RABGAP1: variants seen among roughly 807,000 people sequenced by gnomAD.
The protein encoded by RABGAP1 is RAB GTPase activating protein 1, also known as rab GTPase-activating protein 1.
In RABGAP1, 23 loss-of-function variants were observed where a neutral mutation model predicts 137.6. The observed-to-expected ratio is 0.17, with a 90% CI of 0.12 to 0.24. RABGAP1 has a LOEUF of 0.24. Ranked by LOEUF, RABGAP1 falls within the 10% of genes least tolerant of loss-of-function variation. The pLI is 1.00. For synonymous variants in RABGAP1, 451 were observed against 450.7 expected (o/e 1.00, Z -0.01); for missense variants, 906 against 1,275.8 (o/e 0.71, Z 4.42).
chr9:122,956,743 GA>G (rs1382504331), intron 1 of RABGAP1, among the ~76,000 whole-genome samples: 27 of 151,590 alleles, frequency 1.8e-4, no homozygotes, highest in Admixed American at 1.8e-3. Flanking sequence ...TTAGCCCAAA[GA>G]AATCACTGTA....
In RABGAP1 at chr9:123,084,957, T is replaced by C. The variant is rs547271794; in HGVS notation, c.2425-4801T>C. ...ACAGCCCGAGCTCTTAGTGGGCAGG[T>C]TGTACCACGTCGCGCCTGCCCAGGT... On this transcript the variant is annotated intron_variant, in intron 19 of 25. Transcript: ENST00000373647. 3.3e-5 allele frequency among the ~76,000 whole-genome samples: 5 copies of C among 152,284 alleles called. No individual in the cohort carries two copies. The East Asian group carries it at 9.7e-4, about 29-fold the overall frequency.
chr9:122,945,766 T>G (rs1833913286), intron 1 of RABGAP1, among the ~76,000 whole-genome samples: 1 of 152,218 alleles, frequency 6.6e-6, no homozygotes, highest in Admixed American at 6.5e-5. Context: ...TGAAGGTACA[T>G]TAGCAAGTGA....
intron 10 of RABGAP1, among the ~76,000 whole-genome samples, chr9:123,005,898 G>A (rs2030215448): frequency 6.6e-6 from 1 of 152,204 alleles, no homozygotes; most frequent in Non-Finnish European, 1.5e-5. Flanking sequence ...TCTCTGCAGG[G>A]TTGTCGAGTG....
At chr9:123,055,094 A>G (rs1388623272) in intron 13 of RABGAP1, among the ~76,000 whole-genome samples, 2 of 152,092 alleles carry the variant, frequency 1.3e-5, no homozygotes, top group East Asian at 3.9e-4. Context: ...ATCTACATAA[A>G]TTATTTGGGA....
Position 123,010,335 on chromosome 9 carries a change from A to C in RABGAP1, c.1375-19A>C. 1.3e-6 allele frequency: 2 copies of C among 1,578,386 alleles called. No homozygotes were observed. Among genetic ancestry groups the C allele is most frequent in the Non-Finnish European group, 1.7e-6 (2 of 1,156,414 alleles). On this transcript the variant is annotated intron_variant, in intron 10 of 25. Coordinates refer to ENST00000373647, the MANE Select transcript of RABGAP1 (RefSeq NM_012197.4). ...AAAGAACTTTACTGCTTAATAAATA[A>C]TATTTTTTCATCTTCAAGATAAAGC...
chr9:122,975,251 G>A (rs1254534398), intron 2 of RABGAP1, among the ~76,000 whole-genome samples: 1 of 152,158 alleles, frequency 6.6e-6, no homozygotes, highest in Admixed American at 6.5e-5. Context: ...ATATCCTTCA[G>A]AAAAGGATCC....
At chr9:123,014,408 A>G (rs190002947) in intron 11 of RABGAP1, among the ~76,000 whole-genome samples, 56 of 152,334 alleles carry the variant, frequency 3.7e-4, no homozygotes, top group African/African-American at 1.3e-3. Context: ...AGTCATAAAA[A>G]CATAAAAGAG....
In RABGAP1 at chr9:122,982,950, G is replaced by T. The variant is rs140809833; in HGVS notation, c.151-1535G>T. 4.8e-4 allele frequency among the ~76,000 whole-genome samples: 73 copies of T among 152,146 alleles called. No homozygotes were observed. The East Asian group carries it at 0.011, about 23-fold the overall frequency. On this transcript the variant is annotated intron_variant, in intron 2 of 25. Coordinates refer to ENST00000373647, the MANE Select transcript of RABGAP1 (RefSeq NM_012197.4). Reference sequence around the variant, plus strand: ...AGTGGCGTGATCTCGGGTCACTGCAGCCTCAACTTCTGGGCTCCAGCGATC... The same window carrying T: ...AGTGGCGTGATCTCGGGTCACTGCATCCTCAACTTCTGGGCTCCAGCGATC...
chr9:123,029,801 TCAGA>T, intron 13 of RABGAP1: 1 of 478,856 alleles, frequency 2.1e-6, no homozygotes, highest in East Asian at 4.8e-5. Flanking sequence ...TGCTAAGATG[TCAGA>T]CAAAAAGTGA....
chr9:123,077,252 C>T (rs543902739), intron 19 of RABGAP1, among the ~76,000 whole-genome samples: 11 of 151,426 alleles, frequency 7.3e-5, no homozygotes, highest in Admixed American at 3.9e-4. Flanking sequence ...CAGGCTCAAG[C>T]GGTCCTCTCA....
intron 13 of RABGAP1, among the ~76,000 whole-genome samples, chr9:123,051,124 T>A (rs897855323): frequency 1.3e-5 from 2 of 151,140 alleles, no homozygotes; most frequent in East Asian, 1.9e-4. Flanking sequence ...TTTTTTTTTT[T>A]AGGATCTGAA....
At chr9:123,029,288 A>G (rs1302196270) in intron 13 of RABGAP1, 7 of 554,054 alleles carry the variant, frequency 1.3e-5, no homozygotes, top group Non-Finnish European at 1.9e-5. Context: ...CACTAAAATA[A>G]TATGTTAATT....
At chr9:123,029,508 G>A in intron 13 of RABGAP1, 1 of 929,770 alleles carries the variant, frequency 1.1e-6, no homozygotes, top group South Asian at 1.3e-5. Flanking sequence ...GCCCTGGCCA[G>A]GGAACCTCAA....
At chr9:123,012,363 A>G (rs753694172) in intron 11 of RABGAP1, among the ~76,000 whole-genome samples, 2 of 152,248 alleles carry the variant, frequency 1.3e-5, no homozygotes, top group Admixed American at 6.5e-5. Context: ...CTTAACACTC[A>G]GCGATAAAAA....
chr9:122,956,380 A>G (rs1398591001), intron 1 of RABGAP1, among the ~76,000 whole-genome samples: 4 of 151,548 alleles, frequency 2.6e-5, no homozygotes, highest in African/African-American at 9.7e-5. Flanking sequence ...TTTCCATTTC[A>G]TTTACATGTA....
Position 123,045,771 on chromosome 9 carries a change from G to A in RABGAP1, c.1795-19577G>A, listed in dbSNP as rs949084293. The stretch of plus-strand genomic sequence containing the variant: ...GATAAAGAGGAAGGTAGTGAAAAGA[G>A]CATGGATTTTTGGAGTCTTTGGCCC... On this transcript the variant is annotated intron_variant, in intron 13 of 25. Transcript: ENST00000373647. 3.9e-5 allele frequency among the ~76,000 whole-genome samples: 6 copies of A among 152,152 alleles called. No individual in the cohort carries two copies. In the South Asian group the frequency reaches 1.2e-3, roughly 32 times the overall value.
chr9:123,086,114 A>G (rs1322109567), intron 19 of RABGAP1, among the ~76,000 whole-genome samples: 1 of 152,220 alleles, frequency 6.6e-6, no homozygotes, highest in East Asian at 1.9e-4. Flanking sequence ...TGCTATGAGA[A>G]TAGTTACATA....
At chr9:122,965,124 CAA>C (rs1285113755) in intron 2 of RABGAP1, among the ~76,000 whole-genome samples, 1 of 152,072 alleles carries the variant, frequency 6.6e-6, no homozygotes, top group Non-Finnish European at 1.5e-5. Context: ...AATGGGTAAA[CAA>C]AATGTAGTAT....
chr9:123,009,018 T>C (rs1333833723), intron 10 of RABGAP1, among the ~76,000 whole-genome samples: 1 of 152,206 alleles, frequency 6.6e-6, no homozygotes, highest in African/African-American at 2.4e-5. Flanking sequence ...CATATTCATC[T>C]AGAAAATTAA....
Sources: allele counts gnomAD v4.1 joint callset (sites outside exome capture counted in the v4.1 genomes callset), GRCh38; gene constraint gnomAD v4.1.1; transcripts MANE v1.5; gene names NCBI Gene and HGNC (gene_info 2026-07-23, HGNC 2026-07-21).